SMAP1: variants seen among roughly 807,000 people sequenced by gnomAD.
The protein encoded by SMAP1 is stromal membrane-associated protein 1.
SMAP1 carries 24 observed loss-of-function variants against 58.5 expected under a neutral mutation model. The observed-to-expected ratio is 0.41, with a 90% CI of 0.30 to 0.58. SMAP1 has a LOEUF of 0.58. Among genes scored for constraint, SMAP1 ranks in the 20% least tolerant of loss-of-function variants. SMAP1 has a pLI of 0.29. For missense variants in SMAP1, 563 were observed against 566.3 expected (o/e 0.99, Z 0.06); for synonymous variants, 216 against 196.6 (o/e 1.10, Z -0.82).
chr6:70,719,393 G>C (rs1768416268), intron 1 of SMAP1, among the ~76,000 whole-genome samples: 1 of 152,130 alleles, frequency 6.6e-6, no homozygotes. Context: ...AAGCAAGAAT[G>C]AAATGAAGGA....
chr6:70,858,131 G>C lies in SMAP1; in HGVS notation c.1171G>C (p.Val391Leu), dbSNP rs200644554. 6.3e-5 allele frequency: 101 copies of C among 1,613,890 alleles called. No individual in the cohort carries two copies. Among genetic ancestry groups the C allele is most frequent in the Non-Finnish European group, 8.4e-5 (99 of 1,179,996 alleles). The change falls in exon 10 of 11, where the codon GTT (valine) becomes CTT (leucine). Residue 391 changes from valine to leucine, a missense_variant. Val to Leu is a conservative substitution (Grantham distance 32). This residue lies in a region of SMAP1 where 494 missense variants were observed against 473.8 expected (regional missense o/e 1.04). Coordinates refer to ENST00000370455, the MANE Select transcript of SMAP1 (RefSeq NM_001044305.3). ...QTGVMPLPQN[V>L]VGPQGGMVGQ... ...TGGTGTGATGCCACTTCCTCAGAAC[G>C]TTGTTGGCCCCCAAGGAGGAATGGT...
At chr6:70,695,054 G>A (rs957650920) in intron 1 of SMAP1, among the ~76,000 whole-genome samples, 16 of 152,116 alleles carry the variant, frequency 1.1e-4, no homozygotes, top group East Asian at 5.8e-4. Context: ...TGTAGCTGTC[G>A]TAATGGGATT....
chr6:70,731,275 A>C (rs902302285), intron 1 of SMAP1, among the ~76,000 whole-genome samples: 3 of 152,242 alleles, frequency 2.0e-5, no homozygotes, highest in African/African-American at 7.2e-5. Flanking sequence ...AATCTGAAGC[A>C]ATTTTTAAAA....
intron 6 of SMAP1, among the ~76,000 whole-genome samples, chr6:70,828,496 A>G (rs571865367): frequency 2.6e-5 from 4 of 152,292 alleles, no homozygotes; most frequent in African/African-American, 7.2e-5. Context: ...CACAGTCACA[A>G]AGCCTCCCAC....
chr6:70,748,427 A>G (rs1766137141), intron 2 of SMAP1, among the ~76,000 whole-genome samples: 1 of 152,106 alleles, frequency 6.6e-6, no homozygotes. Context: ...ATCATCAGCA[A>G]CAATGATGTT....
intron 1 of SMAP1, among the ~76,000 whole-genome samples, chr6:70,687,728 T>C (rs544791564): frequency 1.3e-5 from 2 of 152,206 alleles, no homozygotes; most frequent in African/African-American, 2.4e-5. Context: ...TGTAAAATTA[T>C]AGACAAATGT....
chr6:70,729,952 C>G (rs1765359069), intron 1 of SMAP1, among the ~76,000 whole-genome samples: 1 of 152,162 alleles, frequency 6.6e-6, no homozygotes, highest in Admixed American at 6.5e-5. Context: ...CTGGGGGTCA[C>G]AGAATTAAGA....
At chr6:70,857,805 C>T in intron 9 of SMAP1, 117 bp from the exon 10 acceptor site, 1 of 1,167,360 alleles carries the variant, frequency 8.6e-7, no homozygotes, top group Non-Finnish European at 1.2e-6. Flanking sequence ...AGCAGCCAAA[C>T]TGGAATTAAA....
At chr6:70,785,680 G>A (rs1479867572) in intron 4 of SMAP1, among the ~76,000 whole-genome samples, 11 of 152,214 alleles carry the variant, frequency 7.2e-5, no homozygotes, top group East Asian at 3.9e-4. Flanking sequence ...ACACCTCTAC[G>A]CAAATAAACT....
intron 3 of SMAP1, among the ~76,000 whole-genome samples, chr6:70,770,834 A>G (rs576042994): frequency 1.4e-4 from 22 of 152,220 alleles, no homozygotes; most frequent in African/African-American, 5.3e-4. Context: ...TCTGCTTTTT[A>G]GAGTTTCCAG....
Position 70,860,778 on chromosome 6 carries a change from CACTG to C in SMAP1, c.*446_*449del, listed in dbSNP as rs1771686174. 8 of 399,194 alleles carry C rather than the reference CACTG, an allele frequency of 2.0e-5. No homozygotes were observed. The highest frequency in any genetic ancestry group is 3.5e-5 in the Non-Finnish European group (8 of 226,174). The allele number at this position is 399,194 out of a possible 1,614,324, so 24.7% of individuals were successfully genotyped here. A position where few individuals can be genotyped will look rare whatever the true frequency, so the allele number is the denominator to read the frequency against. On this transcript the variant is annotated 3_prime_UTR_variant, in exon 11 of 11. Coordinates refer to ENST00000370455, the MANE Select transcript of SMAP1 (RefSeq NM_001044305.3). Reference sequence around the variant, plus strand: ...TCATATAAATAGAATGTAAATGTCTCACTGAGCACTGTTTTCTAGTGTATCAAAA... The same window carrying C: ...TCATATAAATAGAATGTAAATGTCTCAGCACTGTTTTCTAGTGTATCAAAA...
At chr6:70,679,826 T>C (rs1255698686) in intron 1 of SMAP1, among the ~76,000 whole-genome samples, 1 of 152,164 alleles carries the variant, frequency 6.6e-6, no homozygotes, top group Non-Finnish European at 1.5e-5. Context: ...GTCTCTAAAT[T>C]CAACATTATT....
At chr6:70,708,158 ACT>A (rs1274818501) in intron 1 of SMAP1, among the ~76,000 whole-genome samples, 1 of 151,456 alleles carries the variant, frequency 6.6e-6, no homozygotes, top group African/African-American at 2.4e-5. Flanking sequence ...CCATCATTCT[ACT>A]CTCTGTTTCT....
rs569514583 is a variant in SMAP1, at chr6:70,789,303, C to T, written c.415-2386C>T. Among the ~76,000 whole-genome samples the T allele has an allele frequency of 3.9e-5, 6 of 152,224 alleles. No homozygotes were observed. In the South Asian group the frequency reaches 8.3e-4, roughly 21 times the overall value. ...CCACAGTCAAGATATAGAACCTTTTCGTCACTCCAAAAGGTTTCTTTGTGC... is the reference window on the plus strand; with the variant it reads ...CCACAGTCAAGATATAGAACCTTTTTGTCACTCCAAAAGGTTTCTTTGTGC... On this transcript the variant is annotated intron_variant, in intron 4 of 10. Coordinates refer to ENST00000370455, the MANE Select transcript of SMAP1 (RefSeq NM_001044305.3).
chr6:70,675,142 A>T (rs1030495813), intron 1 of SMAP1, among the ~76,000 whole-genome samples: 1 of 124,968 alleles, frequency 8.0e-6, no homozygotes, highest in Non-Finnish European at 1.8e-5. Flanking sequence ...GGAGAATGTT[A>T]AAAAAAAAAA....
At chr6:70,784,873 T>C (rs939917826) in intron 4 of SMAP1, among the ~76,000 whole-genome samples, 1 of 152,112 alleles carries the variant, frequency 6.6e-6, no homozygotes, top group African/African-American at 2.4e-5. Flanking sequence ...AACACCCCAC[T>C]GTCAACATTA....
chr6:70,756,685 T>C (rs533177334), intron 3 of SMAP1, among the ~76,000 whole-genome samples: 1 of 152,060 alleles, frequency 6.6e-6, no homozygotes, highest in African/African-American at 2.4e-5. Flanking sequence ...AAGGATTTTG[T>C]CAATGTACAA....
At chr6:70,749,266 G>A (rs191165484) in intron 2 of SMAP1, among the ~76,000 whole-genome samples, 1 of 152,148 alleles carries the variant, frequency 6.6e-6, no homozygotes, top group African/African-American at 2.4e-5. Context: ...CAGCATGGGG[G>A]AACAGATCCC....
intron 1 of SMAP1, chr6:70,694,200 T>C (rs1339967801): frequency 6.5e-6 from 2 of 306,800 alleles, no homozygotes; most frequent in South Asian, 3.2e-5. Flanking sequence ...CTTGATCTAC[T>C]GATGGATAAG....
Sources: allele counts gnomAD v4.1 joint callset (sites outside exome capture counted in the v4.1 genomes callset), GRCh38; gene constraint gnomAD v4.1.1; regional missense constraint gnomAD v4.1.1; transcripts MANE v1.5; gene names NCBI Gene and HGNC (gene_info 2026-07-23, HGNC 2026-07-21).